The following ST14 variants were observed in gnomAD, a reference collection of about 807,000 sequenced individuals.
The protein encoded by ST14 is ST14 transmembrane serine protease matriptase, also known as suppressor of tumorigenicity 14 protein.
Under a neutral mutation model 96.5 loss-of-function variants are expected in ST14, and 40 were observed. The ratio of observed to expected loss-of-function variants is 0.41; its 90% confidence interval spans 0.32 to 0.54. ST14 has a LOEUF of 0.54. Among genes scored for constraint, ST14 ranks in the 20% least tolerant of loss-of-function variants. The pLI is 0.17. For synonymous variants in ST14, 506 were observed against 492.1 expected, an observed-to-expected ratio of 1.03 and a Z score of -0.37; for missense variants, 1,066 against 1,188.9, an observed-to-expected ratio of 0.90 and a Z score of 1.52.
Position 130,196,457 on chromosome 11 carries a change from C to T in ST14, c.1223+9C>T, listed in dbSNP as rs752983041. On this transcript the variant is annotated intron_variant, in intron 10 of 18. Coordinates refer to ENST00000278742, the MANE Select transcript of ST14 (RefSeq NM_021978.4). ...GAGATCAACGGGGAGAAGTGAGTCC[C>T]CGGGGGTATGGGGGCTGCCGGGCCC... 5.6e-6 allele frequency: 9 copies of T among 1,603,350 alleles called. 1 individual carries two copies. In the South Asian group the frequency reaches 7.8e-5, roughly 14 times the overall value.
intron 9 of ST14, 98 bp from the exon 10 acceptor site, chr11:130,196,241 A>ATC: frequency 1.1e-6 from 1 of 892,872 alleles, no homozygotes; most frequent in Non-Finnish European, 1.8e-6. Flanking sequence ...AAGGCATACC[A>ATC]TCTCTCCCTG....
chr11:130,189,772 G>A lies in ST14; in HGVS notation c.474G>A (p.Glu158=), dbSNP rs1456529018. The part of the protein sequence containing the change: ...EGSVIAYYWS[E]FSIPQHLVEE... The stretch of plus-strand genomic sequence containing the variant: ...GCGTCATCGCCTACTACTGGTCTGA[G>A]TTCAGCATCCCGCAGCACCTGGTGG... The change falls in exon 5 of 19, where the codon GAG becomes GAA. Residue 158 remains glutamate, a synonymous_variant. Coordinates refer to ENST00000278742, the MANE Select transcript of ST14 (RefSeq NM_021978.4). The A allele has an allele frequency of 1.2e-6, 2 of 1,613,488 alleles. No individual in the cohort carries two copies. Among genetic ancestry groups the A allele is most frequent in the East Asian group, 2.2e-5 (1 of 44,894 alleles).
chr11:130,186,820 C>T (rs142719655), intron 1 of ST14, among the ~76,000 whole-genome samples: 224 of 152,130 alleles, frequency 1.5e-3, no homozygotes, highest in African/African-American at 5.2e-3. Context: ...GAGATTATGG[C>T]GTTGGCATAT....
At chr11:130,184,459 T>C (rs1023710099) in intron 1 of ST14, among the ~76,000 whole-genome samples, 6 of 152,214 alleles carry the variant, frequency 3.9e-5, no homozygotes, top group African/African-American at 1.4e-4. Context: ...TTTGGCTATA[T>C]GTGCTGTTTC....
At chr11:130,209,294 C>T in intron 17 of ST14, 148 bp from the exon 18 acceptor site, 2 of 1,062,704 alleles carry the variant, frequency 1.9e-6, no homozygotes, top group South Asian at 1.4e-5. Flanking sequence ...TGCCAGAGCC[C>T]ACTGAGTAGA....
chr11:130,208,006 GA>G, intron 16 of ST14, among the ~76,000 whole-genome samples: 1 of 152,300 alleles, frequency 6.6e-6, no homozygotes, highest in Non-Finnish European at 1.5e-5. Flanking sequence ...GGGAGGTGGA[GA>G]TTGCAGTGAG....
intron 16 of ST14, among the ~76,000 whole-genome samples, chr11:130,202,060 G>A (rs1355094563): frequency 1.3e-5 from 2 of 152,214 alleles, no homozygotes; most frequent in African/African-American, 2.4e-5. Flanking sequence ...GGTATTTAGA[G>A]ACCAAGGTCC....
chr11:130,163,331 T>C (rs1953013146), intron 1 of ST14, among the ~76,000 whole-genome samples: 1 of 152,226 alleles, frequency 6.6e-6, no homozygotes, highest in Non-Finnish European at 1.5e-5. Context: ...AATATCTTTC[T>C]ATGAAAAGAA....
intron 1 of ST14, among the ~76,000 whole-genome samples, chr11:130,168,771 G>A (rs1374332842): frequency 6.6e-6 from 1 of 152,098 alleles, no homozygotes; most frequent in African/African-American, 2.4e-5. Flanking sequence ...CCCTGGGGGT[G>A]GGGCCCCTCT....
At position 130,188,532 on chromosome 11, in the gene ST14, C is replaced by T. The variant is rs369378537; in HGVS notation, c.244C>T (p.Arg82Trp). Residue 82 changes from arginine (R) to tryptophan (W), a missense_variant and splice_region_variant, in exon 3 of 19, where the codon CGG becomes TGG. By Grantham distance (101) the Arg-to-Trp change is moderately radical (BLOSUM62 -3). Coordinates refer to ENST00000278742, the MANE Select transcript of ST14 (RefSeq NM_021978.4). The surrounding 1 kb of genome is among the most constrained non-coding windows in gnomAD (Gnocchi z 5.4). ...IGFLVWHLQY[R>W]DVRVQKVFNG... ...GAGCGCCTTCTGGTCTCACACAGACCGGGACGTGCGTGTCCAGAAGGTCTT... is the reference window on the plus strand; with the variant it reads ...GAGCGCCTTCTGGTCTCACACAGACTGGGACGTGCGTGTCCAGAAGGTCTT... 16 of 1,613,726 alleles carry T rather than the reference C, an allele frequency of 9.9e-6. No homozygotes were observed. The highest frequency in any genetic ancestry group is 4.0e-5 in the African/African-American group (3 of 74,932).
chr11:130,198,089 C>T (rs922567392), intron 12 of ST14, 144 bp downstream of exon 12: 5 of 914,524 alleles, frequency 5.5e-6, no homozygotes, highest in East Asian at 5.3e-5. Flanking sequence ...GACCTCTGGC[C>T]CCACTCCCCA....
rs1053420430 is a variant in ST14, at chr11:130,187,423, G to A, written c.82-691G>A. Among the ~76,000 whole-genome samples the A allele has an allele frequency of 3.9e-5, 6 of 152,210 alleles. No homozygotes were observed. Among genetic ancestry groups the A allele is most frequent in the Admixed American group, 1.3e-4 (2 of 15,290 alleles). On this transcript the variant is annotated intron_variant, in intron 1 of 18. Coordinates refer to ENST00000278742, the MANE Select transcript of ST14 (RefSeq NM_021978.4). The surrounding 1 kb of genome is among the most constrained non-coding windows in gnomAD (Gnocchi z 4.5). ...GTTTGGTTTGCTTGCTTTTCCCTCT[G>A]TTGGGGCTGCGCGTGGGTGTGGATT...
intron 1 of ST14, among the ~76,000 whole-genome samples, chr11:130,167,879 TAA>T (rs2136202113): frequency 6.6e-6 from 1 of 152,308 alleles, no homozygotes; most frequent in African/African-American, 2.4e-5. Context: ...TGCGCCAGGC[TAA>T]TTTTTGTATT....
chr11:130,190,169 C>T (rs1162334722), intron 6 of ST14, 21 bp downstream of exon 6: 1 of 1,614,194 alleles, frequency 6.2e-7, no homozygotes, highest in Non-Finnish European at 8.5e-7. Context: ...TGCCCGCCTC[C>T]TCTTCTGGGT....
intron 1 of ST14, among the ~76,000 whole-genome samples, chr11:130,182,584 T>A (rs1258218591): frequency 6.6e-6 from 1 of 151,562 alleles, no homozygotes; most frequent in Non-Finnish European, 1.5e-5. Flanking sequence ...TGGGCTCAAG[T>A]GATCTGTCCA....
chr11:130,165,424 C>T (rs1053352510), intron 1 of ST14, among the ~76,000 whole-genome samples: 8 of 152,210 alleles, frequency 5.3e-5, no homozygotes, highest in Non-Finnish European at 1.0e-4. Flanking sequence ...TTGCTCAGAG[C>T]TCATGGGTAG....
chr11:130,171,455 GCT>G (rs765182041), intron 1 of ST14, among the ~76,000 whole-genome samples: 2 of 152,184 alleles, frequency 1.3e-5, no homozygotes, highest in African/African-American at 2.4e-5. Flanking sequence ...ATAGGATGCA[GCT>G]CTCTCTTCAG....
intron 18 of ST14, 33 bp downstream of exon 18, chr11:130,209,611 C>T (rs1054025137): frequency 6.3e-7 from 1 of 1,590,960 alleles, no homozygotes; most frequent in African/African-American, 1.3e-5. Flanking sequence ...GGCAGGTGGG[C>T]CCCGGGAGAG....
Position 130,198,343 on chromosome 11 carries a change from A to G in ST14, c.1495A>G (p.Lys499Glu), listed in dbSNP as rs1340777239. 1 of 1,614,174 alleles carries G rather than the reference A, an allele frequency of 6.2e-7. No homozygotes were observed. Among genetic ancestry groups the G allele is most frequent in the South Asian group, 1.1e-5 (1 of 91,084 alleles). The stretch of plus-strand genomic sequence containing the variant: ...CGGCCACCAGTTCACGTGCAAGAAC[A>G]AGTTCTGCAAGCCCCTCTTCTGGGT... ...DAGHQFTCKN[K>E]FCKPLFWVCD... Residue 499 changes from lysine to glutamate, a missense_variant, in exon 13 of 19, where the codon AAG becomes GAG. Transcript: ENST00000278742.
Sources: allele counts gnomAD v4.1 joint callset (sites outside exome capture counted in the v4.1 genomes callset), GRCh38; gene constraint gnomAD v4.1.1; non-coding constraint Gnocchi (gnomAD v3.1); transcripts MANE v1.5; gene names NCBI Gene and HGNC (gene_info 2026-07-23, HGNC 2026-07-21).